UBASH3B: variants seen among roughly 807,000 people sequenced by gnomAD.
UBASH3B encodes ubiquitin-associated and SH3 domain-containing protein B.
In UBASH3B, 37 loss-of-function variants were observed where a neutral mutation model predicts 83.4. That is an observed-to-expected ratio of 0.44 (90% CI 0.34 to 0.58). The LOEUF (loss-of-function observed/expected upper bound fraction) is 0.58, where lower values mean the gene tolerates loss of function less well. Among genes scored for constraint, UBASH3B ranks in the 20% least tolerant of loss-of-function variants. UBASH3B has a pLI of 0.01. For missense variants in UBASH3B, 657 were observed against 827.2 expected (o/e 0.79, Z 2.52); for synonymous variants, 304 against 318.3 (o/e 0.96, Z 0.48).
chr11:122,755,145 C>T (rs1033547328), intron 1 of UBASH3B, among the ~76,000 whole-genome samples: 1 of 152,190 alleles, frequency 6.6e-6, no homozygotes, highest in Admixed American at 6.5e-5. Flanking sequence ...GCTGAATAAT[C>T]TCTGTGTGGG....
Position 122,811,940 on chromosome 11 carries a change from T to C in UBASH3B, c.*2054T>C, listed in dbSNP as rs1478027983. On this transcript the variant is annotated 3_prime_UTR_variant, in exon 14 of 14. Coordinates refer to ENST00000284273, the MANE Select transcript of UBASH3B (RefSeq NM_032873.5). ...GATTCACCACAAATTTTCATGGGCG[T>C]TGAGTGCTCAGAATAATGCTTGAAC... The C allele has an allele frequency of 6.6e-6, 1 of 152,182 alleles. No individual in the cohort carries two copies. The highest frequency in any genetic ancestry group is 2.4e-5 in the African/African-American group (1 of 41,438). 9.4% of individuals were successfully genotyped at this position (152,182 alleles called of 1,614,324 possible).
intron 6 of UBASH3B, 151 bp from the exon 7 acceptor site, chr11:122,794,551 T>G: frequency 1.0e-6 from 1 of 967,570 alleles, no homozygotes. Context: ...ATTTTTCCCT[T>G]AGGAATGAGG....
rs145470254 is a variant in UBASH3B, at chr11:122,749,491, C to T, written c.162-26728C>T. Among the ~76,000 whole-genome samples, 818 of 152,330 alleles carry T rather than the reference C, an allele frequency of 5.4e-3. 2 individuals carry two copies. Among genetic ancestry groups the T allele is most frequent in the Non-Finnish European group, 8.4e-3 (571 of 68,030 alleles). ...CTTATTGGGTGCCAACTGTGCACCACGCATTGAGTCTGTAAAAACCTCCAA... is the reference window on the plus strand; with the variant it reads ...CTTATTGGGTGCCAACTGTGCACCATGCATTGAGTCTGTAAAAACCTCCAA... On this transcript the variant is annotated intron_variant, in intron 1 of 13. Transcript: ENST00000284273.
At chr11:122,722,080 A>C (rs1176525324) in intron 1 of UBASH3B, among the ~76,000 whole-genome samples, 1 of 152,176 alleles carries the variant, frequency 6.6e-6, no homozygotes, top group Admixed American at 6.5e-5. Context: ...GGGCCCTGCA[A>C]CCTTTTGCAT....
rs192036960 is a variant in UBASH3B at position 122,809,008 on chromosome 11, A to G, written c.1813-741A>G. Among the ~76,000 whole-genome samples the G allele has an allele frequency of 1.4e-3, 215 of 151,060 alleles. 1 individual carries two copies. Among genetic ancestry groups the G allele is most frequent in the African/African-American group, 4.5e-3 (186 of 41,382 alleles). On this transcript the variant is annotated intron_variant, in intron 13 of 13. Coordinates refer to ENST00000284273, the MANE Select transcript of UBASH3B (RefSeq NM_032873.5). The stretch of plus-strand genomic sequence containing the variant: ...AAAACGGGTGAAACAAATTTTTTCA[A>G]ATTGAAAAATATTTTCCATTGGGTC...
intron 6 of UBASH3B, among the ~76,000 whole-genome samples, chr11:122,791,047 G>A (rs965217702): frequency 6.6e-6 from 1 of 152,152 alleles, no homozygotes; most frequent in South Asian, 2.1e-4. Context: ...AACTCAGGCC[G>A]ATGTATAGGT....
In UBASH3B at chr11:122,814,321, T is replaced by G. The variant is rs572053917; in HGVS notation, c.*4435T>G. On this transcript the variant is annotated 3_prime_UTR_variant, in exon 14 of 14. Coordinates refer to ENST00000284273, the MANE Select transcript of UBASH3B (RefSeq NM_032873.5). Reference sequence around the variant, plus strand: ...ACACCTACCTGTATTGCCAAATTCTTTGTAAACTCTCCGTGGCACTTGTGC... The same window carrying G: ...ACACCTACCTGTATTGCCAAATTCTGTGTAAACTCTCCGTGGCACTTGTGC... The G allele has an allele frequency of 6.5e-6, 1 of 152,746 alleles. No homozygotes were observed. The highest frequency in any genetic ancestry group is 1.9e-4 in the East Asian group (1 of 5,190). 9.5% of individuals were successfully genotyped at this position (152,746 alleles called of 1,614,324 possible).
intron 1 of UBASH3B, among the ~76,000 whole-genome samples, chr11:122,723,056 C>T (rs1860669388): frequency 6.6e-6 from 1 of 152,128 alleles, no homozygotes; most frequent in Admixed American, 6.5e-5. Context: ...AGCCTTTGCA[C>T]AGAGCTTTAG....
intron 1 of UBASH3B, among the ~76,000 whole-genome samples, chr11:122,747,551 G>A (rs1477542136): frequency 6.6e-6 from 1 of 152,188 alleles, no homozygotes; most frequent in Admixed American, 6.5e-5. Flanking sequence ...ACTTGACTGA[G>A]CCCCCGTTGG....
intron 1 of UBASH3B, among the ~76,000 whole-genome samples, chr11:122,762,059 T>G (rs1205688285): frequency 6.6e-6 from 1 of 152,052 alleles, no homozygotes; most frequent in East Asian, 1.9e-4. Context: ...CCCAAAGTGT[T>G]GGGATTACAG....
chr11:122,801,084 C>A, intron 10 of UBASH3B, 104 bp from the exon 11 acceptor site: 2 of 1,389,756 alleles, frequency 1.4e-6, no homozygotes, highest in Non-Finnish European at 2.0e-6. Context: ...CTATATATAG[C>A]AGCCAGTAGG....
At chr11:122,783,306 ACCT>A in intron 5 of UBASH3B, 84 bp downstream of exon 5, 2 of 1,488,254 alleles carry the variant, frequency 1.3e-6, no homozygotes, top group Admixed American at 2.0e-5. Flanking sequence ...GGAGATGGGT[ACCT>A]ACAGGGGAAA....
chr11:122,808,140 T>A lies in UBASH3B; in HGVS notation c.1776T>A (p.Pro592=), dbSNP rs1050946423. 17 of 1,614,054 alleles carry A rather than the reference T, an allele frequency of 1.1e-5. 1 individual carries two copies. The Middle Eastern group carries it at 2.5e-3, about 234-fold the overall frequency. ...CCTGCCAACTTCAGGGCCTGTCACC[T>A]CAGAACTCCAAGGACTTCGTACAAA... is the stretch of plus-strand genomic sequence containing the variant. ...ACTCQLQGLS[P]QNSKDFVQMV... Residue 592 remains proline (P), a synonymous_variant, in exon 13 of 14, where the codon CCT becomes CCA. Transcript: ENST00000284273.
chr11:122,659,128 A>T (rs1863400924), intron 1 of UBASH3B, among the ~76,000 whole-genome samples: 1 of 152,156 alleles, frequency 6.6e-6, no homozygotes, highest in African/African-American at 2.4e-5. Flanking sequence ...ATGTGGTTGT[A>T]CTTAGGGCCC....
Position 122,690,686 on chromosome 11 carries a change from TGAGA to T in UBASH3B, c.161+34479_161+34482del, listed in dbSNP as rs140265507. ...TAGATACATACGCATGGAGAGCCAG[TGAGA>T]GACACATAGCGCTATGCTCCCTCCA... On this transcript the variant is annotated intron_variant, in intron 1 of 13. Transcript: ENST00000284273. Among the ~76,000 whole-genome samples, 1,114 of 152,238 alleles carry T rather than the reference TGAGA, an allele frequency of 7.3e-3. 36 individuals are homozygous for T. The East Asian group carries it at 0.11, about 15-fold the overall frequency.
chr11:122,673,092 TGGCCTCTG>T (rs1469147327), intron 1 of UBASH3B, among the ~76,000 whole-genome samples: 1 of 152,196 alleles, frequency 6.6e-6, no homozygotes, highest in Non-Finnish European at 1.5e-5. Context: ...AGCCACTGTC[TGGCCTCTG>T]GGCACGTGAC....
chr11:122,713,464 T>G (rs1352454936), intron 1 of UBASH3B, among the ~76,000 whole-genome samples: 1 of 152,124 alleles, frequency 6.6e-6, no homozygotes, highest in African/African-American at 2.4e-5. Context: ...GCAAAAGGCC[T>G]TGGAAGGAAT....
At chr11:122,747,269 A>G (rs1191283861) in intron 1 of UBASH3B, among the ~76,000 whole-genome samples, 1 of 152,242 alleles carries the variant, frequency 6.6e-6, no homozygotes, top group Admixed American at 6.5e-5. Flanking sequence ...CCAGCAGCCA[A>G]TAGGACCCCT....
intron 9 of UBASH3B, among the ~76,000 whole-genome samples, chr11:122,797,687 G>A (rs931268647): frequency 7.2e-4 from 109 of 152,298 alleles, no homozygotes; most frequent in African/African-American, 2.4e-3. Flanking sequence ...CATGGTCACA[G>A]AATATTATGG....
Sources: allele counts gnomAD v4.1 joint callset (sites outside exome capture counted in the v4.1 genomes callset), GRCh38; gene constraint gnomAD v4.1.1; transcripts MANE v1.5; gene names NCBI Gene and HGNC (gene_info 2026-07-23, HGNC 2026-07-21).